The following CFH variants were observed in gnomAD, a reference collection of about 807,000 sequenced individuals.
CFH encodes H factor 1 (complement).
CFH carries 53 observed loss-of-function variants against 147.3 expected under a neutral mutation model. The observed-to-expected ratio is 0.36, with a 90% CI of 0.29 to 0.45. The LOEUF is 0.45. CFH is among the 20% of genes least tolerant of loss of function. CFH has a pLI of 1.00. For synonymous variants in CFH, 536 were observed against 489.4 expected, an observed-to-expected ratio of 1.10 and a Z score of -1.26; for missense variants, 1,380 against 1,498.0, an observed-to-expected ratio of 0.92 and a Z score of 1.30.
chr1:196,743,399 T>G (rs1380762354), intron 19 of CFH, 53 bp from the exon 20 acceptor site: 2 of 1,605,784 alleles, frequency 1.2e-6, no homozygotes, highest in African/African-American at 2.7e-5. Flanking sequence ...TATCAGTTGA[T>G]TTGCTACTCA....
chr1:196,693,054 A>G (rs1020199892), intron 9 of CFH, among the ~76,000 whole-genome samples: 2 of 151,908 alleles, frequency 1.3e-5, no homozygotes, highest in Non-Finnish European at 2.9e-5. Context: ...TTGTCATATA[A>G]TTAACAAGTC....
At chr1:196,686,578 T>C (rs541146578) in intron 7 of CFH, among the ~76,000 whole-genome samples, 13 of 152,194 alleles carry the variant, frequency 8.5e-5, no homozygotes, top group Non-Finnish European at 7.4e-5. Flanking sequence ...GAAAGAAAAA[T>C]ATGATACAAA....
At chr1:196,681,470 TCACACACA>T (rs3043111) in intron 6 of CFH, among the ~76,000 whole-genome samples, 70 of 148,044 alleles carry the variant, frequency 4.7e-4, no homozygotes, top group African/African-American at 1.7e-3. Context: ...ACTAATTGAT[TCACACACA>T]CACACACACA....
At chr1:196,735,885 C>A (rs731557) in intron 15 of CFH, among the ~76,000 whole-genome samples, 34,483 of 151,898 alleles carry the variant, frequency 0.23, 4,502 homozygotes, top group African/African-American at 0.33. Flanking sequence ...AAACGTCTCC[C>A]TGAATTGATA....
chr1:196,713,642 G>C, intron 9 of CFH, 93 bp from the exon 10 acceptor site: 2 of 840,416 alleles, frequency 2.4e-6, no homozygotes, highest in Non-Finnish European at 3.8e-6. Context: ...AGTTACAAAT[G>C]ACTCATTATT....
rs557890944 is a variant in CFH at position 196,740,508 on chromosome 1, A to T, written c.2783-111A>T. The T allele has an allele frequency of 9.6e-6, 10 of 1,044,128 alleles. No individual in the cohort carries two copies. The South Asian group carries it at 1.5e-4, about 16-fold the overall frequency. The allele number at this position is 1,044,128 out of a possible 1,614,324, so 64.7% of individuals were successfully genotyped here. On this transcript the variant is annotated intron_variant, in intron 17 of 21. Transcript: ENST00000367429. Reference sequence around the variant, plus strand: ...ATTTGTGTTACTTCTCTGTGATGTCATAGTAGCTCCTGTATTGTTTATTTT... The same window carrying T: ...ATTTGTGTTACTTCTCTGTGATGTCTTAGTAGCTCCTGTATTGTTTATTTT...
chr1:196,697,422 T>C (rs1483513073), intron 9 of CFH, among the ~76,000 whole-genome samples: 1 of 152,200 alleles, frequency 6.6e-6, no homozygotes, highest in Non-Finnish European at 1.5e-5. Flanking sequence ...GCATCACTGG[T>C]CATTAGAGAA....
intron 12 of CFH, among the ~76,000 whole-genome samples, chr1:196,726,181 G>T (rs1436354060): frequency 1.3e-5 from 2 of 152,126 alleles, no homozygotes; most frequent in Non-Finnish European, 2.9e-5. Context: ...ATGTTTCCAT[G>T]AAATGTAAAA....
At chr1:196,657,096 A>G (rs895710123) in intron 1 of CFH, among the ~76,000 whole-genome samples, 14 of 152,098 alleles carry the variant, frequency 9.2e-5, no homozygotes, top group Non-Finnish European at 1.8e-4. Flanking sequence ...GGCTCAAGCA[A>G]TCCTCCTGCC....
At chr1:196,715,882 G>T in intron 11 of CFH, 113 bp downstream of exon 11, 1 of 833,768 alleles carries the variant, frequency 1.2e-6, no homozygotes, top group Non-Finnish European at 1.9e-6. Context: ...TTAAAATCAA[G>T]ATATCTCCTG....
intron 9 of CFH, among the ~76,000 whole-genome samples, chr1:196,702,696 G>T (rs1314025400): frequency 6.6e-6 from 1 of 152,102 alleles, no homozygotes; most frequent in Admixed American, 6.6e-5. Flanking sequence ...TATTCACACT[G>T]ACTCTCCCAG....
chr1:196,690,348 G>C, intron 9 of CFH, 109 bp downstream of exon 9: 1 of 1,492,202 alleles, frequency 6.7e-7, no homozygotes, highest in Non-Finnish European at 9.3e-7. Context: ...ATGTCACCTT[G>C]TTTTACCAAT....
intron 9 of CFH, chr1:196,701,279 C>T: frequency 1.2e-6 from 2 of 1,613,650 alleles, no homozygotes; most frequent in Non-Finnish European, 1.7e-6. Flanking sequence ...CTCAGCAAGC[C>T]TAACTCAGGG....
chr1:196,702,713 A>G (rs929474921), intron 9 of CFH, among the ~76,000 whole-genome samples: 2 of 152,164 alleles, frequency 1.3e-5, no homozygotes, highest in Admixed American at 1.3e-4. Context: ...CCAGTAATCC[A>G]GTAAGGGCAG....
Position 196,747,462 on chromosome 1 carries a change from G to GCACTCC in CFH, c.*149_*150insCACTCC, listed in dbSNP as rs1470847083. On this transcript the variant is annotated 3_prime_UTR_variant, in exon 22 of 22. Coordinates refer to ENST00000367429, the MANE Select transcript of CFH (RefSeq NM_000186.4). ...AATGTAATTATAAGCTGAGACCGGTGGCTCTCTTCTTAAAAGCACCATATT... is the reference window on the plus strand; with the variant it reads ...AATGTAATTATAAGCTGAGACCGGTGCACTCCGCTCTCTTCTTAAAAGCACCATATT... The GCACTCC allele has an allele frequency of 1.1e-6, 1 of 902,700 alleles. No individual in the cohort carries two copies. The highest frequency in any genetic ancestry group is 1.7e-5 in the African/African-American group (1 of 59,126). 55.9% of individuals were successfully genotyped at this position (902,700 alleles called of 1,614,324 possible).
intron 1 of CFH, among the ~76,000 whole-genome samples, chr1:196,659,146 C>T (rs1027009973): frequency 6.6e-6 from 1 of 152,036 alleles, no homozygotes; most frequent in African/African-American, 2.4e-5. Context: ...TTAATAAGCC[C>T]GTTGTACATA....
chr1:196,736,858 G>A lies in CFH; in HGVS notation c.2448G>A (p.Gln816=), dbSNP rs938973469. The A allele has an allele frequency of 1.3e-6, 2 of 1,561,104 alleles. No individual in the cohort carries two copies. The highest frequency in any genetic ancestry group is 3.6e-5 in the Admixed American group (2 of 55,984). ...AQIQLCPPPP[Q]IPNSHNMTTT... is the part of the protein sequence containing the mutation. Reference sequence around the variant, plus strand: ...TACAATTATGCCCACCTCCACCTCAGATTCCCAATTCTCACAATATGACAA... The same window carrying A: ...TACAATTATGCCCACCTCCACCTCAAATTCCCAATTCTCACAATATGACAA... Residue 816 remains glutamine, a synonymous_variant, in exon 16 of 22, where the codon CAG becomes CAA. Transcript: ENST00000367429.
intron 9 of CFH, among the ~76,000 whole-genome samples, chr1:196,692,717 T>TC: frequency 9.1e-6 from 1 of 109,310 alleles, no homozygotes; most frequent in African/African-American, 4.8e-5. Context: ...TTTTTCTTTC[T>TC]TTCTTTCTTT....
chr1:196,668,371 T>C (rs1475021431), intron 1 of CFH, among the ~76,000 whole-genome samples: 1 of 152,216 alleles, frequency 6.6e-6, no homozygotes, highest in Non-Finnish European at 1.5e-5. Flanking sequence ...AGCACTTTAG[T>C]AATGCTAAGA....
Sources: gnomAD v4.1 joint callset for allele counts (sites outside exome capture counted in the v4.1 genomes callset) on GRCh38, gnomAD v4.1.1 for gene constraint, MANE v1.5 for transcripts, NCBI Gene and HGNC (gene_info 2026-07-23, HGNC 2026-07-21) for gene names.